MYO16: variants seen among roughly 807,000 people sequenced by gnomAD.
The protein encoded by MYO16 is unconventional myosin-XVI.
In MYO16, 94 loss-of-function variants were observed where a neutral mutation model predicts 205.3. That is an observed-to-expected ratio of 0.46 (90% CI 0.39 to 0.54). MYO16 has a LOEUF of 0.54. Among genes scored for constraint, MYO16 ranks in the 20% least tolerant of loss-of-function variants. The pLI is 0.00. For synonymous variants in MYO16, 988 were observed against 954.0 expected (o/e 1.04, Z -0.66); for missense variants, 2,315 against 2,387.5 (o/e 0.97, Z 0.63).
chr13:108,533,661 C>T, the MYO16 span, among the ~76,000 whole-genome samples: 1 of 152,206 alleles, frequency 6.6e-6, no homozygotes, highest in African/African-American at 2.4e-5. Context: ...ATGTATTTAT[C>T]ACTTTTTCTG....
chr13:108,808,898 C>T (rs571509817), intron 7 of MYO16, among the ~76,000 whole-genome samples: 3 of 152,128 alleles, frequency 2.0e-5, no homozygotes, highest in Non-Finnish European at 4.4e-5. Flanking sequence ...CTTTCAGAAA[C>T]CTTCCTAGAG....
chr13:108,992,627 T>TAA (rs1390837620), intron 21 of MYO16, among the ~76,000 whole-genome samples, 179 bp downstream of exon 21: 1 of 152,200 alleles, frequency 6.6e-6, no homozygotes, highest in Non-Finnish European at 1.5e-5. Flanking sequence ...TGTGGTCTTG[T>TAA]AAACAACTGG....
chr13:108,878,242 G>A (rs1486481597), intron 12 of MYO16, among the ~76,000 whole-genome samples: 1 of 152,010 alleles, frequency 6.6e-6, no homozygotes, highest in East Asian at 1.9e-4. Flanking sequence ...CCAAAAAGTT[G>A]CCTTTGGCCC....
chr13:108,672,034 A>G (rs1035881058), intron 2 of MYO16, among the ~76,000 whole-genome samples: 32 of 152,142 alleles, frequency 2.1e-4, no homozygotes, highest in African/African-American at 7.5e-4. Flanking sequence ...GGATATACAT[A>G]TATTACTTCC....
intron 32 of MYO16, among the ~76,000 whole-genome samples, chr13:109,145,678 G>A (rs1309461479): frequency 6.6e-6 from 1 of 152,154 alleles, no homozygotes; most frequent in East Asian, 1.9e-4. Context: ...TAGTTGCTTG[G>A]TTTCAAAAAC....
At chr13:108,836,122 C>T (rs1226342143) in intron 9 of MYO16, among the ~76,000 whole-genome samples, 1 of 152,116 alleles carries the variant, frequency 6.6e-6, no homozygotes, top group Non-Finnish European at 1.5e-5. Context: ...TGAGCTGAGC[C>T]CAGGACCTCA....
chr13:108,636,375 G>GTC (rs1880249835), intron 1 of MYO16, among the ~76,000 whole-genome samples: 1 of 124,496 alleles, frequency 8.0e-6, no homozygotes, highest in Admixed American at 8.7e-5. Flanking sequence ...TTTTTTGTGT[G>GTC]TGTGTGTGTG....
intron 28 of MYO16, among the ~76,000 whole-genome samples, chr13:109,108,438 C>A (rs565626217): frequency 1.1e-4 from 17 of 152,196 alleles, no homozygotes; most frequent in Non-Finnish European, 2.5e-4. Context: ...TACTATCTGG[C>A]ACCTACTAAT....
intron 1 of MYO16, among the ~76,000 whole-genome samples, chr13:108,641,228 A>G (rs1159760484): frequency 1.3e-5 from 2 of 152,294 alleles, no homozygotes; most frequent in South Asian, 2.1e-4. Context: ...CATTCTAACT[A>G]CTCTACCATT....
chr13:108,718,811 A>G (rs184038908), intron 3 of MYO16, among the ~76,000 whole-genome samples: 1 of 152,210 alleles, frequency 6.6e-6, no homozygotes. Context: ...CCTAGTTCAG[A>G]ATTTTAGATC....
At chr13:109,076,887 C>T (rs1022256578) in intron 27 of MYO16, among the ~76,000 whole-genome samples, 11 of 152,134 alleles carry the variant, frequency 7.2e-5, no homozygotes, top group Non-Finnish European at 1.2e-4. Flanking sequence ...AACTGATTCT[C>T]TCTATATATT....
intron 2 of MYO16, among the ~76,000 whole-genome samples, chr13:108,693,421 C>T (rs1566553764): frequency 6.6e-6 from 1 of 152,298 alleles, no homozygotes; most frequent in East Asian, 1.9e-4. Context: ...TTGACAACCA[C>T]TGATCTGCTT....
intron 11 of MYO16, 59 bp from the exon 12 acceptor site, chr13:108,866,118 T>C (rs1037432018): frequency 4.8e-6 from 5 of 1,043,250 alleles, no homozygotes; most frequent in Non-Finnish European, 6.7e-6. Context: ...GTATGATTTT[T>C]ATTGTTTAAA....
the MYO16 span, among the ~76,000 whole-genome samples, chr13:108,539,140 T>C: frequency 2.0e-5 from 3 of 152,154 alleles, no homozygotes; most frequent in African/African-American, 2.4e-5. Context: ...CAGTGTTTCA[T>C]GTCCTGTACC....
intron 1 of MYO16, among the ~76,000 whole-genome samples, chr13:108,603,042 G>A (rs1240596791): frequency 6.6e-6 from 1 of 152,138 alleles, no homozygotes; most frequent in Non-Finnish European, 1.5e-5. Context: ...TGTAATAAAT[G>A]AGTATTTAGA....
In MYO16 at chr13:108,793,499, G is replaced by C. The variant is rs368348025; in HGVS notation, c.617-17G>C. The stretch of plus-strand genomic sequence containing the variant: ...AGTATCTCTCCATTCTGGTTGAAAG[G>C]CTCTTTCTCCCCACAGGAGTGGATT... On this transcript the variant is annotated splice_polypyrimidine_tract_variant and intron_variant, in intron 5 of 34. Coordinates refer to ENST00000457511, the MANE Select transcript of MYO16 (RefSeq NM_001198950.3). 132 of 1,611,790 alleles carry C rather than the reference G, an allele frequency of 8.2e-5. No individual in the cohort carries two copies. Among genetic ancestry groups the C allele is most frequent in the Non-Finnish European group, 1.0e-4 (122 of 1,178,666 alleles).
chr13:109,024,543 G>T (rs1171644495), intron 23 of MYO16, among the ~76,000 whole-genome samples: 1 of 151,940 alleles, frequency 6.6e-6, no homozygotes, highest in Non-Finnish European at 1.5e-5. Flanking sequence ...AAAATTTTTG[G>T]GAAATCAACT....
intron 21 of MYO16, among the ~76,000 whole-genome samples, chr13:109,002,408 T>G (rs2139463508): frequency 6.6e-6 from 1 of 152,340 alleles, no homozygotes; most frequent in East Asian, 1.9e-4. Context: ...GCCATCTGGA[T>G]AAGCAATAAG....
At chr13:108,744,089 C>T (rs558999738) in intron 4 of MYO16, among the ~76,000 whole-genome samples, 1 of 152,180 alleles carries the variant, frequency 6.6e-6, no homozygotes, top group Non-Finnish European at 1.5e-5. Context: ...CGGCCAAGCA[C>T]CTGAATATCA....
Sources: allele counts gnomAD v4.1 joint callset (sites outside exome capture counted in the v4.1 genomes callset), GRCh38; gene constraint gnomAD v4.1.1; transcripts MANE v1.5; gene names NCBI Gene and HGNC (gene_info 2026-07-23, HGNC 2026-07-21).